The following TNPO3 variants were observed in gnomAD, a reference collection of about 807,000 sequenced individuals.
TNPO3 encodes the protein transportin-3.
Under a neutral mutation model 122.8 loss-of-function variants are expected in TNPO3, and 65 were observed. That is an observed-to-expected ratio of 0.53 (90% CI 0.43 to 0.65). The LOEUF is 0.65. Among genes scored for constraint, TNPO3 ranks in the 30% least tolerant of loss-of-function variants. TNPO3 has a pLI of 0.00. For missense variants in TNPO3, 850 were observed against 1,136.7 expected (o/e 0.75, Z 3.63); for synonymous variants, 372 against 411.2 (o/e 0.90, Z 1.15).
rs977505525 is a variant in TNPO3, at chr7:129,019,278, G to A, written c.121-1121C>T. ...CCAATTCTACACTCAACAGCCTCTG[G>A]AAGAAGACTAACATGGACTGGCAAT... On this transcript the variant is annotated intron_variant, in intron 1 of 22. Coordinates refer to ENST00000265388, the MANE Select transcript of TNPO3 (RefSeq NM_012470.4). Among the ~76,000 whole-genome samples, 5 of 152,196 alleles carry A rather than the reference G, an allele frequency of 3.3e-5. No individual in the cohort carries two copies. In the South Asian group the frequency reaches 1.0e-3, roughly 32 times the overall value.
chr7:129,047,871 GA>G (rs1808239342), intron 1 of TNPO3, among the ~76,000 whole-genome samples: 1 of 152,066 alleles, frequency 6.6e-6, no homozygotes, highest in African/African-American at 2.4e-5. Context: ...CTTCCGGAAA[GA>G]AAAAAACCAC....
chr7:129,024,316 G>A (rs763992330), intron 1 of TNPO3, among the ~76,000 whole-genome samples: 4 of 152,128 alleles, frequency 2.6e-5, no homozygotes, highest in Admixed American at 6.5e-5. Flanking sequence ...TGTCAGGCAC[G>A]TAAATGAAGC....
intron 8 of TNPO3, among the ~76,000 whole-genome samples, chr7:128,994,984 G>C (rs540854773): frequency 2.0e-5 from 3 of 152,090 alleles, no homozygotes; most frequent in African/African-American, 7.2e-5. Context: ...TTTTTTTATA[G>C]AGGTAAGGTC....
intron 1 of TNPO3, among the ~76,000 whole-genome samples, chr7:129,036,115 G>A (rs187785138): frequency 0.01 from 1,533 of 151,826 alleles, 20 homozygotes; most frequent in African/African-American, 0.035. Context: ...CACCACACCC[G>A]GCTAATTTTT....
intron 4 of TNPO3, among the ~76,000 whole-genome samples, chr7:129,008,245 A>G (rs1024203376): frequency 5.3e-5 from 8 of 149,702 alleles, no homozygotes; most frequent in African/African-American, 2.0e-4. Context: ...GCCTGCGTGC[A>G]GTGGCTCACA....
At chr7:129,025,304 C>T (rs4449728) in intron 1 of TNPO3, among the ~76,000 whole-genome samples, 3 of 121,354 alleles carry the variant, frequency 2.5e-5, no homozygotes, top group South Asian at 2.8e-4. Context: ...GAGCCGAGAT[C>T]GTACCACCAC....
chr7:128,976,351 G>A (rs1021171424), intron 16 of TNPO3, among the ~76,000 whole-genome samples: 1 of 152,220 alleles, frequency 6.6e-6, no homozygotes, highest in Non-Finnish European at 1.5e-5. Context: ...GGAGAAGACA[G>A]TGAAAGCATT....
intron 21 of TNPO3, among the ~76,000 whole-genome samples, chr7:128,964,362 G>T (rs1797741091): frequency 7.4e-6 from 1 of 135,142 alleles, no homozygotes; most frequent in Non-Finnish European, 1.5e-5. Context: ...TTGAGACGGA[G>T]CCTCGCTCTG....
rs1044470414 is a variant in TNPO3, at chr7:129,048,644, A to T, written c.120+6007T>A. Among the ~76,000 whole-genome samples the T allele has an allele frequency of 4.8e-5, 7 of 146,220 alleles. No homozygotes were observed. In the South Asian group the frequency reaches 6.4e-4, roughly 13 times the overall value. On this transcript the variant is annotated intron_variant, in intron 1 of 22. Transcript: ENST00000265388. ...AACATATACATCTCATAAAGGATTT[A>T]AAAAAAAAAAAGAAAGAAAAAAAAA...
At chr7:128,985,487 T>A (rs1254863373) in intron 12 of TNPO3, among the ~76,000 whole-genome samples, 1 of 152,158 alleles carries the variant, frequency 6.6e-6, no homozygotes, top group African/African-American at 2.4e-5. Flanking sequence ...TCCTTGCCAC[T>A]TGGGAAGCTG....
At chr7:128,964,514 T>C (rs1797759766) in intron 21 of TNPO3, among the ~76,000 whole-genome samples, 3 of 152,062 alleles carry the variant, frequency 2.0e-5, no homozygotes, top group African/African-American at 4.8e-5. Flanking sequence ...TTTTTGTGTC[T>C]TTAGTAGAGA....
intron 3 of TNPO3, 50 bp from the exon 4 acceptor site, chr7:129,015,185 A>G (rs755178115): frequency 6.3e-7 from 1 of 1,583,730 alleles, no homozygotes; most frequent in Non-Finnish European, 8.6e-7. Context: ...GAAAATACAC[A>G]ATCACATAAG....
intron 13 of TNPO3, among the ~76,000 whole-genome samples, chr7:128,983,163 G>T (rs180782096): frequency 4.6e-5 from 7 of 152,202 alleles, no homozygotes; most frequent in Admixed American, 1.3e-4. Context: ...AGGTGCAAGT[G>T]GCCAGCATTA....
At chr7:129,033,644 G>A (rs953110031) in intron 1 of TNPO3, among the ~76,000 whole-genome samples, 34 of 152,230 alleles carry the variant, frequency 2.2e-4, no homozygotes, top group African/African-American at 7.7e-4. Context: ...ACAGGGCCGG[G>A]CACAGTGGCT....
Position 128,979,061 on chromosome 7 carries a change from A to T in TNPO3, c.1983T>A (p.Arg661=). The T allele has an allele frequency of 6.2e-7, 1 of 1,614,242 alleles. No homozygotes were observed. Among genetic ancestry groups the T allele is most frequent in the South Asian group, 1.1e-5 (1 of 91,086 alleles). Reference sequence around the variant, plus strand: ...CAGCAAAGCGCAGGCACCTGCAACAACGCTCTACAATCCGATTATCAGCTC... The same window carrying T: ...CAGCAAAGCGCAGGCACCTGCAACATCGCTCTACAATCCGATTATCAGCTC... ...KHRADNRIVE[R]CCRCLRFAVR... The change falls in exon 16 of 23, where the codon CGT becomes CGA. Residue 661 remains arginine, a synonymous_variant. Transcript: ENST00000265388.
chr7:129,015,697 G>T (rs1366168879), intron 3 of TNPO3, among the ~76,000 whole-genome samples: 1 of 152,024 alleles, frequency 6.6e-6, no homozygotes, highest in Non-Finnish European at 1.5e-5. Context: ...GCCAGGCATG[G>T]TGGTATGCAT....
chr7:128,958,937 G>A (rs2128977169), intron 21 of TNPO3, among the ~76,000 whole-genome samples: 1 of 152,342 alleles, frequency 6.6e-6, no homozygotes, highest in Non-Finnish European at 1.5e-5. Context: ...TGGGGAGGTT[G>A]AGGTTGCAGT....
At chr7:128,972,114 G>A (rs958694556) in intron 19 of TNPO3, among the ~76,000 whole-genome samples, 6 of 152,196 alleles carry the variant, frequency 3.9e-5, no homozygotes, top group Non-Finnish European at 8.8e-5. Context: ...GCAAGACCCT[G>A]TTTCAAAAAC....
chr7:128,999,333 C>T (rs1801674845), intron 7 of TNPO3, among the ~76,000 whole-genome samples: 1 of 152,164 alleles, frequency 6.6e-6, no homozygotes, highest in Non-Finnish European at 1.5e-5. Context: ...GGATTTTACT[C>T]GTAGCCTCTT....
Sources: gnomAD v4.1 joint callset for allele counts (sites outside exome capture counted in the v4.1 genomes callset) on GRCh38, gnomAD v4.1.1 for gene constraint, MANE v1.5 for transcripts, NCBI Gene and HGNC (gene_info 2026-07-23, HGNC 2026-07-21) for gene names.